CCDC141: variants seen among roughly 807,000 people sequenced by gnomAD.
CCDC141 encodes the protein coiled-coil domain-containing protein 141.
In CCDC141, 168 loss-of-function variants were observed where a neutral mutation model predicts 181.0. The ratio of observed to expected loss-of-function variants is 0.93; its 90% CI spans 0.82 to 1.05. CCDC141 has a LOEUF of 1.05. Ranked by LOEUF, CCDC141 falls within the 50% of genes least tolerant of loss-of-function variation. The pLI, the probability that CCDC141 is intolerant of heterozygous loss-of-function variation, is 0.00. For synonymous variants in CCDC141, 666 were observed against 642.3 expected, an observed-to-expected ratio of 1.04 and a Z score of -0.56; for missense variants, 1,902 against 1,788.5, an observed-to-expected ratio of 1.06 and a Z score of -1.14.
intron 8 of CCDC141, among the ~76,000 whole-genome samples, chr2:178,899,382 T>C (rs1687573376): frequency 6.6e-6 from 1 of 152,160 alleles, no homozygotes; most frequent in African/African-American, 2.4e-5. Flanking sequence ...TGTACTTGTT[T>C]ATTGAGCCCT....
At chr2:178,975,760 G>C (rs1354952591) in intron 3 of CCDC141, among the ~76,000 whole-genome samples, 1 of 151,960 alleles carries the variant, frequency 6.6e-6, no homozygotes, top group African/African-American at 2.4e-5. Flanking sequence ...TATAGAAATT[G>C]GTCTCAAAAA....
At chr2:178,826,522 T>G (rs1272856597), downstream of CCDC141, among the ~76,000 whole-genome samples, 1 of 152,152 alleles carries the variant, frequency 6.6e-6, no homozygotes, top group Non-Finnish European at 1.5e-5. Context: ...CCTTTAAATG[T>G]TTGGTAATTT....
rs1175706400 is a variant in CCDC141, at chr2:178,886,208, C to G, written c.1527+544G>C. ...TCATGTTCCTTAAACTTTGCTGGAGCAGACAGAAACTTCAGGGCAGGTTTG... is the reference window on the plus strand; with the variant it reads ...TCATGTTCCTTAAACTTTGCTGGAGGAGACAGAAACTTCAGGGCAGGTTTG... On this transcript the variant is annotated intron_variant, in intron 10 of 23. Transcript: ENST00000443758. 2.0e-5 allele frequency among the ~76,000 whole-genome samples: 3 copies of G among 149,494 alleles called. No individual in the cohort carries two copies. The Admixed American group carries it at 2.0e-4, about 10-fold the overall frequency.
chr2:178,963,650 T>C (rs1227398380), intron 4 of CCDC141, among the ~76,000 whole-genome samples: 2 of 152,104 alleles, frequency 1.3e-5, no homozygotes, highest in Non-Finnish European at 2.9e-5. Flanking sequence ...AGTTTTCTCT[T>C]TCAATTGACA....
rs1419430866 is a variant in CCDC141, at chr2:178,872,440, C to G, written c.1900-128G>C. 4.9e-6 allele frequency: 4 copies of G among 818,688 alleles called. No individual in the cohort carries two copies. In the African/African-American group the frequency reaches 5.2e-5, roughly 11 times the overall value. The allele number at this position is 818,688 out of a possible 1,614,324, so 50.7% of individuals were successfully genotyped here. On this transcript the variant is annotated intron_variant, in intron 12 of 23. Coordinates refer to ENST00000443758, the MANE Select transcript of CCDC141 (RefSeq NM_173648.4). ...GCCGAAGATGGTTCTGACATCCAAG[C>G]AAGTCCGAAATCCCTGCGCAGAGGC... is the stretch of plus-strand genomic sequence containing the variant.
chr2:178,984,751 A>C (rs893375719), intron 2 of CCDC141, among the ~76,000 whole-genome samples: 169 of 151,448 alleles, frequency 1.1e-3, no homozygotes, highest in African/African-American at 3.9e-3. Flanking sequence ...GGATCAATTC[A>C]ACAAGAAGAG....
chr2:178,984,196 T>G (rs1242562105), intron 2 of CCDC141, among the ~76,000 whole-genome samples: 1 of 151,024 alleles, frequency 6.6e-6, no homozygotes, highest in African/African-American at 2.4e-5. Context: ...CAACCCAGAA[T>G]TTCATATCCA....
intron 2 of CCDC141, among the ~76,000 whole-genome samples, chr2:178,983,514 T>G (rs920568259): frequency 6.7e-6 from 1 of 149,258 alleles, no homozygotes; most frequent in African/African-American, 2.5e-5. Context: ...ATCAAATTAT[T>G]CTGAGCTACG....
At chr2:178,869,072 T>C (rs1387708682) in intron 15 of CCDC141, 45 bp downstream of exon 15, 6 of 1,320,594 alleles carry the variant, frequency 4.5e-6, no homozygotes, top group Non-Finnish European at 6.0e-6. Flanking sequence ...TTTAATTGCA[T>C]AGTTTAAAAC....
At chr2:178,852,749 C>T (rs924439097) in intron 20 of CCDC141, among the ~76,000 whole-genome samples, 10 of 152,128 alleles carry the variant, frequency 6.6e-5, no homozygotes, top group African/African-American at 1.9e-4. Context: ...CTCACAGGAC[C>T]GATACCAGGG....
At chr2:179,045,574 G>A (rs1355983753) in intron 2 of CCDC141, among the ~76,000 whole-genome samples, 2 of 151,834 alleles carry the variant, frequency 1.3e-5, no homozygotes, top group Non-Finnish European at 2.9e-5. Context: ...CTAGATCCCT[G>A]AGGAGTCGCC....
At chr2:179,043,095 T>C (rs2043365559) in intron 2 of CCDC141, among the ~76,000 whole-genome samples, 1 of 152,052 alleles carries the variant, frequency 6.6e-6, no homozygotes, top group African/African-American at 2.4e-5. Flanking sequence ...TATAAACACC[T>C]CTATGCACAT....
chr2:178,833,846 C>A lies in CCDC141; in HGVS notation c.*327G>T. 4.6e-6 allele frequency: 1 copy of A among 217,288 alleles called. No homozygotes were observed. The highest frequency in any genetic ancestry group is 9.2e-6 in the Non-Finnish European group (1 of 108,980). 13.5% of individuals were successfully genotyped at this position (217,288 alleles called of 1,614,324 possible). A position where few individuals can be genotyped will look rare whatever the true frequency, so the allele number is the denominator to read the frequency against. On this transcript the variant is annotated 3_prime_UTR_variant, in exon 24 of 24. Transcript: ENST00000443758. ...ATTTGAAATTTAGCACATTTCTATG[C>A]CGATGTCAGCCTTCATCTGCACGCC... is the stretch of plus-strand genomic sequence containing the variant.
In CCDC141 at chr2:179,015,105, A is replaced by T. The variant is rs1002369481; in HGVS notation, c.225+32179T>A. On this transcript the variant is annotated intron_variant, in intron 2 of 23. Coordinates refer to ENST00000443758, the MANE Select transcript of CCDC141 (RefSeq NM_173648.4). ...ATATATATATATATATATATATATA[A>T]TATATATATAATCATATATATATAT... Among the ~76,000 whole-genome samples the T allele has an allele frequency of 9.6e-3, 205 of 21,350 alleles. 6 individuals carry two copies. The highest frequency in any genetic ancestry group is 0.024 in the East Asian group (22 of 906). 14.0% of individuals were successfully genotyped at this position (21,350 alleles called of 152,430 possible). A position where few individuals can be genotyped will look rare whatever the true frequency, so the allele number is the denominator to read the frequency against.
chr2:178,932,193 A>T (rs967860778), intron 6 of CCDC141, among the ~76,000 whole-genome samples: 5 of 152,164 alleles, frequency 3.3e-5, no homozygotes, highest in African/African-American at 1.2e-4. Context: ...ACACACACAC[A>T]TGCACACAAA....
chr2:179,044,709 T>C (rs1385670361), intron 2 of CCDC141, among the ~76,000 whole-genome samples: 1 of 152,164 alleles, frequency 6.6e-6, no homozygotes, highest in Non-Finnish European at 1.5e-5. Context: ...GCAGAAACAG[T>C]TGGCAGGTGC....
At chr2:179,002,667 G>T in intron 2 of CCDC141, 1 of 158,258 alleles carries the variant, frequency 6.3e-6, no homozygotes, top group Non-Finnish European at 1.4e-5. Flanking sequence ...CTAAACTTTT[G>T]GCCAAAAGAA....
chr2:178,834,446 G>A lies in CCDC141; in HGVS notation c.4326-6C>T. The A allele has an allele frequency of 6.5e-7, 1 of 1,534,250 alleles. No individual in the cohort carries two copies. On this transcript the variant is annotated splice_region_variant and splice_polypyrimidine_tract_variant and intron_variant, in intron 23 of 23. Coordinates refer to ENST00000443758, the MANE Select transcript of CCDC141 (RefSeq NM_173648.4). ...ATTTCTGGCCCTTCTTGTACCTGAA[G>A]CAGAGAGGCAGTTTTTAAAGTCAGG... is the stretch of plus-strand genomic sequence containing the variant.
At chr2:178,850,629 A>AGT (rs1274669239) in intron 20 of CCDC141, among the ~76,000 whole-genome samples, 1 of 152,216 alleles carries the variant, frequency 6.6e-6, no homozygotes, top group Non-Finnish European at 1.5e-5. Context: ...ACAGCAGCTG[A>AGT]GTATTCCTTC....
Sources: gnomAD v4.1 joint callset for allele counts (sites outside exome capture counted in the v4.1 genomes callset) on GRCh38, gnomAD v4.1.1 for gene constraint, MANE v1.5 for transcripts, NCBI Gene and HGNC (gene_info 2026-07-23, HGNC 2026-07-21) for gene names.